Variants in ZMAT5 observed in about 807,000 individuals in gnomAD.
The protein encoded by ZMAT5 is zinc finger matrin-type protein 5.
ZMAT5 carries 23 observed loss-of-function variants against 28.0 expected under a neutral mutation model. The ratio of observed to expected loss-of-function variants is 0.82; its 90% CI spans 0.59 to 1.16. The LOEUF is 1.16. Among genes scored for constraint, ZMAT5 ranks in the 50% most tolerant of loss-of-function variants. The pLI, the probability that ZMAT5 is intolerant of heterozygous loss-of-function variation, is 0.00. For missense variants in ZMAT5, 173 were observed against 212.7 expected (o/e 0.81, Z 1.16); for synonymous variants, 76 against 84.1 (o/e 0.90, Z 0.52).
intron 5 of ZMAT5, among the ~76,000 whole-genome samples, chr22:29,732,122 A>G (rs1422677026): frequency 6.6e-6 from 1 of 152,164 alleles, no homozygotes; most frequent in Non-Finnish European, 1.5e-5. Context: ...CCCCCCAACC[A>G]TTCTTCCACC....
chr22:29,734,282 C>G (rs1391499343), intron 5 of ZMAT5, among the ~76,000 whole-genome samples: 1 of 152,196 alleles, frequency 6.6e-6, no homozygotes, highest in Non-Finnish European at 1.5e-5. Flanking sequence ...CATGGACCCC[C>G]ACTTCCCCAT....
chr22:29,736,864 A>C (rs868804612), intron 5 of ZMAT5, among the ~76,000 whole-genome samples: 4 of 150,876 alleles, frequency 2.7e-5, no homozygotes, highest in African/African-American at 7.3e-5. Context: ...CTCCACTAAA[A>C]ACACACAAAA....
chr22:29,755,560 G>A (rs149646274), intron 1 of ZMAT5, among the ~76,000 whole-genome samples: 12 of 152,112 alleles, frequency 7.9e-5, no homozygotes, highest in African/African-American at 1.2e-4. Context: ...TTGGCACTTC[G>A]CTTTCATTCC....
chr22:29,747,239 G>C (rs1335772129), intron 2 of ZMAT5: 1 of 152,250 alleles, frequency 6.6e-6, no homozygotes, highest in African/African-American at 2.4e-5. Context: ...GCACCAGCAT[G>C]TAGCAGGCAT....
chr22:29,745,922 C>T (rs776295653), intron 2 of ZMAT5, among the ~76,000 whole-genome samples: 1 of 152,178 alleles, frequency 6.6e-6, no homozygotes, highest in African/African-American at 2.4e-5. Flanking sequence ...GCTTGGTCCT[C>T]GGTAGCTGGG....
At position 29,748,432 on chromosome 22, in the gene ZMAT5, TA is replaced by T; in HGVS notation, c.112del (p.Tyr38ThrfsTer25). ...LQHLKAKKVW[Y>X]DMFRDAAAIL... ...GCGGCACCCACCTCGGAACATGTCG[TA>T]CCAGACCTTCTTGGCCTTGAGGTGC... On this transcript the variant is annotated frameshift_variant, in exon 2 of 6. Transcript: ENST00000344318. LOFTEE classifies it high-confidence loss of function. The T allele has an allele frequency of 6.2e-7, 1 of 1,614,246 alleles. No homozygotes were observed. Among genetic ancestry groups the T allele is most frequent in the Non-Finnish European group, 8.5e-7 (1 of 1,180,040 alleles).
At chr22:29,755,393 AAAAGAAAAG>A (rs1351132325) in intron 1 of ZMAT5, among the ~76,000 whole-genome samples, 9 of 142,500 alleles carry the variant, frequency 6.3e-5, no homozygotes, top group East Asian at 6.2e-4. Flanking sequence ...GAAAGAAAGA[AAAAGAAAAG>A]AAAGAAAAGA....
intron 4 of ZMAT5, 75 bp from the exon 5 acceptor site, chr22:29,738,516 G>T: frequency 7.4e-7 from 1 of 1,358,034 alleles, no homozygotes; most frequent in Non-Finnish European, 1.0e-6. Context: ...TCACAAAGCA[G>T]AAGCAACTGG....
At chr22:29,738,712 ACCTGGC>A (rs2067931741) in intron 4 of ZMAT5, among the ~76,000 whole-genome samples, 3 of 152,006 alleles carry the variant, frequency 2.0e-5, no homozygotes, top group Admixed American at 2.0e-4. Flanking sequence ...CTTGTAGAGA[ACCTGGC>A]CCTGGCCAGG....
intron 1 of ZMAT5, among the ~76,000 whole-genome samples, chr22:29,762,395 C>T (rs995075575): frequency 6.6e-6 from 1 of 152,242 alleles, no homozygotes; most frequent in Non-Finnish European, 1.5e-5. Flanking sequence ...GGAGCTGGGC[C>T]GCACAGCAGG....
At chr22:29,753,998 A>G (rs2068077403) in intron 1 of ZMAT5, among the ~76,000 whole-genome samples, 1 of 151,776 alleles carries the variant, frequency 6.6e-6, no homozygotes, top group African/African-American at 2.4e-5. Context: ...CAACTTGGCA[A>G]GCAGAATGCC....
At chr22:29,734,046 C>T (rs1047025766) in intron 5 of ZMAT5, among the ~76,000 whole-genome samples, 1 of 152,154 alleles carries the variant, frequency 6.6e-6, no homozygotes, top group Admixed American at 6.5e-5. Context: ...GAAACAGAGT[C>T]GAGGAGGAGG....
At chr22:29,739,595 C>T (rs1456689170) in intron 4 of ZMAT5, among the ~76,000 whole-genome samples, 1 of 152,232 alleles carries the variant, frequency 6.6e-6, no homozygotes, top group Non-Finnish European at 1.5e-5. Context: ...ACTCTGTTCC[C>T]AGCCTCCCTG....
chr22:29,734,510 G>A (rs938210540), intron 5 of ZMAT5, among the ~76,000 whole-genome samples: 7 of 152,338 alleles, frequency 4.6e-5, no homozygotes, highest in African/African-American at 7.2e-5. Context: ...GGGAACGCCC[G>A]AACAGCAGCC....
chr22:29,742,848 G>A (rs2067975832), intron 2 of ZMAT5, among the ~76,000 whole-genome samples: 1 of 152,136 alleles, frequency 6.6e-6, no homozygotes, highest in Admixed American at 6.5e-5. Context: ...GAGTGCAGTG[G>A]TGCAATCATG....
At chr22:29,763,063 C>T (rs149737169) in intron 1 of ZMAT5, among the ~76,000 whole-genome samples, 485 of 151,892 alleles carry the variant, frequency 3.2e-3, no homozygotes, top group Non-Finnish European at 4.1e-3. Context: ...GAGGCCGAGA[C>T]GGACAGATCA....
chr22:29,767,001 G>A lies in ZMAT5; in HGVS notation c.-157C>T. The A allele has an allele frequency of 6.3e-6, 1 of 159,584 alleles. No individual in the cohort carries two copies. The highest frequency in any genetic ancestry group is 1.4e-5 in the Non-Finnish European group (1 of 72,024). 9.9% of individuals were successfully genotyped at this position (159,584 alleles called of 1,614,324 possible). A position where few individuals can be genotyped will look rare whatever the true frequency, so the allele number is the denominator to read the frequency against. On this transcript the variant is annotated 5_prime_UTR_variant, in exon 1 of 6. Transcript: ENST00000344318. Reference sequence around the variant, plus strand: ...GCTCCTCCTCCTGCGTCCTCGCGTCGCGTACTGCTTGCTGGGATTCGTAGT... The same window carrying A: ...GCTCCTCCTCCTGCGTCCTCGCGTCACGTACTGCTTGCTGGGATTCGTAGT...
chr22:29,763,046 T>TG (rs1010167555), intron 1 of ZMAT5, among the ~76,000 whole-genome samples: 3 of 151,794 alleles, frequency 2.0e-5, no homozygotes, highest in Non-Finnish European at 4.4e-5. Flanking sequence ...TAAATTAGGC[T>TG]GGGTGGGAGG....
intron 2 of ZMAT5, among the ~76,000 whole-genome samples, chr22:29,745,804 T>C (rs2147225052): frequency 6.6e-6 from 1 of 152,240 alleles, no homozygotes; most frequent in East Asian, 1.9e-4. Context: ...GGAGCAAAGC[T>C]GAAGTCGAGT....
Sources: gnomAD v4.1 joint callset for allele counts (sites outside exome capture counted in the v4.1 genomes callset) on GRCh38, gnomAD v4.1.1 for gene constraint, MANE v1.5 for transcripts, NCBI Gene and HGNC (gene_info 2026-07-23, HGNC 2026-07-21) for gene names.